LRRTM4: variants seen among roughly 807,000 people sequenced by gnomAD.
LRRTM4 encodes the protein leucine-rich repeat transmembrane neuronal protein 4.
A neutral mutation model predicts 47.6 loss-of-function variants in LRRTM4; 25 were observed. The observed-to-expected ratio is 0.53, with a 90% CI of 0.38 to 0.73. The LOEUF (loss-of-function observed/expected upper bound fraction) is 0.73, where lower values mean the gene tolerates loss of function less well. Ranked by LOEUF, LRRTM4 falls within the 30% of genes least tolerant of loss-of-function variation. The pLI is 0.00. For synonymous variants in LRRTM4, 311 were observed against 269.5 expected, an observed-to-expected ratio of 1.15 and a Z score of -1.51; for missense variants, 638 against 713.4, an observed-to-expected ratio of 0.89 and a Z score of 1.20.
At chr2:76,817,105 T>C (rs1670924980) in intron 3 of LRRTM4, among the ~76,000 whole-genome samples, 1 of 151,860 alleles carries the variant, frequency 6.6e-6, no homozygotes, top group Non-Finnish European at 1.5e-5. Flanking sequence ...GGCCTTACTC[T>C]CTGAAGAATG....
chr2:76,869,744 T>A (rs554170961), intron 3 of LRRTM4, among the ~76,000 whole-genome samples: 2 of 152,196 alleles, frequency 1.3e-5, no homozygotes, highest in South Asian at 4.1e-4. Flanking sequence ...AGAGTTTGTA[T>A]TATAAGATTT....
At chr2:76,778,676 G>A (rs190082520) in intron 3 of LRRTM4, among the ~76,000 whole-genome samples, 1,912 of 151,366 alleles carry the variant, frequency 0.013, 19 homozygotes, top group African/African-American at 0.029. Context: ...TCTTGCTAGC[G>A]GTCTATCAAT....
chr2:77,295,566 T>G (rs945210205), intron 3 of LRRTM4, among the ~76,000 whole-genome samples: 3 of 152,160 alleles, frequency 2.0e-5, no homozygotes, highest in African/African-American at 7.2e-5. Context: ...TACTGCAGAT[T>G]GAGTGGCCTC....
rs192457949 is a variant in LRRTM4 at position 77,352,035 on chromosome 2, A to G, written c.1551+166283T>C. 3.0e-3 allele frequency among the ~76,000 whole-genome samples: 462 copies of G among 152,240 alleles called. 6 individuals carry two copies. Among genetic ancestry groups the G allele is most frequent in the African/African-American group, 9.9e-3 (411 of 41,566 alleles). On this transcript the variant is annotated intron_variant, in intron 3 of 3. Coordinates refer to ENST00000409884, the MANE Select transcript of LRRTM4 (RefSeq NM_001134745.3). ...CAGTGTAAATTAAAGTGAGAAATTA[A>G]AGGTCAAGCTGCATAAAGATGTCAT...
chr2:77,000,571 T>C (rs1191427985), intron 3 of LRRTM4, among the ~76,000 whole-genome samples: 1 of 152,162 alleles, frequency 6.6e-6, no homozygotes, highest in Admixed American at 6.6e-5. Context: ...GTATTGCCCA[T>C]TGGTAGAAGA....
rs1324397141 is a variant in LRRTM4, at chr2:77,516,921, C to T, written c.1551+1397G>A. On this transcript the variant is annotated intron_variant, in intron 3 of 3. Coordinates refer to ENST00000409884, the MANE Select transcript of LRRTM4 (RefSeq NM_001134745.3). ...ATGGAAAAATTGGAGTATATGCTAT[C>T]AAAGAGCAATTATATTTTCCAACTG... is the stretch of plus-strand genomic sequence containing the variant. 9.1e-6 allele frequency: 9 copies of T among 984,360 alleles called. 1 individual carries two copies. The South Asian group carries it at 4.2e-4, about 46-fold the overall frequency. The allele number at this position is 984,360 out of a possible 1,614,324, so 61.0% of individuals were successfully genotyped here. A position where few individuals can be genotyped will look rare whatever the true frequency, so the allele number is the denominator to read the frequency against.
intron 3 of LRRTM4, among the ~76,000 whole-genome samples, chr2:77,401,442 A>C (rs775266036): frequency 9.9e-5 from 15 of 151,868 alleles, no homozygotes; most frequent in Non-Finnish European, 1.9e-4. Flanking sequence ...CATATCATAA[A>C]TCACTATGTA....
intron 3 of LRRTM4, among the ~76,000 whole-genome samples, chr2:76,871,480 G>A (rs62173110): frequency 0.14 from 20,725 of 152,032 alleles, 1,722 homozygotes; most frequent in Admixed American, 0.21. Context: ...ACTGGGAATC[G>A]CCTGTATTGA....
intron 3 of LRRTM4, among the ~76,000 whole-genome samples, chr2:76,941,963 CT>C (rs1341174502): frequency 1.1e-4 from 16 of 152,196 alleles, no homozygotes; most frequent in African/African-American, 3.9e-4. Context: ...TCCACATCGT[CT>C]CCAGCAACTG....
intron 3 of LRRTM4, among the ~76,000 whole-genome samples, chr2:77,214,546 T>C (rs1478203501): frequency 1.3e-5 from 2 of 152,162 alleles, no homozygotes; most frequent in African/African-American, 2.4e-5. Flanking sequence ...CTAACTTATT[T>C]TGACATTTTC....
At chr2:77,023,966 A>G (rs1678362569) in intron 3 of LRRTM4, among the ~76,000 whole-genome samples, 1 of 152,166 alleles carries the variant, frequency 6.6e-6, no homozygotes. Flanking sequence ...GGAAAAAAAA[A>G]GATTAATTGG....
rs150309218 is a variant in LRRTM4, at chr2:77,296,171, T to G, written c.1551+222147A>C. 1.6e-3 allele frequency among the ~76,000 whole-genome samples: 241 copies of G among 152,306 alleles called. 1 individual carries two copies. The highest frequency in any genetic ancestry group is 5.5e-3 in the African/African-American group (227 of 41,574). On this transcript the variant is annotated intron_variant, in intron 3 of 3. Transcript: ENST00000409884. ...TTTCAACCTGAAAATACATGGCAACTTGTAGATACGATAGAAATATTTGAG... is the reference window on the plus strand; with the variant it reads ...TTTCAACCTGAAAATACATGGCAACGTGTAGATACGATAGAAATATTTGAG...
At chr2:77,065,414 G>A (rs769796220) in intron 3 of LRRTM4, among the ~76,000 whole-genome samples, 15 of 152,270 alleles carry the variant, frequency 9.9e-5, no homozygotes, top group Non-Finnish European at 1.8e-4. Context: ...ATTAATGCAT[G>A]TCCTGCTCTT....
intron 3 of LRRTM4, among the ~76,000 whole-genome samples, chr2:77,358,425 A>T (rs563229810): frequency 1.3e-5 from 2 of 152,080 alleles, no homozygotes; most frequent in Non-Finnish European, 2.9e-5. Flanking sequence ...AAGAGGGAGA[A>T]CTCACCACGA....
chr2:77,463,588 A>T (rs1340054311), intron 3 of LRRTM4, among the ~76,000 whole-genome samples: 1 of 152,096 alleles, frequency 6.6e-6, no homozygotes, highest in Non-Finnish European at 1.5e-5. Context: ...AGAGAATAGC[A>T]ACCATATTTT....
At chr2:77,289,272 A>C (rs1676752685) in intron 3 of LRRTM4, among the ~76,000 whole-genome samples, 1 of 151,994 alleles carries the variant, frequency 6.6e-6, no homozygotes, top group Admixed American at 6.6e-5. Context: ...CTAATACAGA[A>C]TAGAGGTTTT....
intron 3 of LRRTM4, among the ~76,000 whole-genome samples, chr2:77,417,773 AG>A (rs781591403): frequency 2.1e-4 from 25 of 119,440 alleles, no homozygotes; most frequent in African/African-American, 6.9e-4. Context: ...TTGGGGGGGA[AG>A]GGGGGAGGAA....
intron 3 of LRRTM4, among the ~76,000 whole-genome samples, chr2:76,992,253 C>G (rs956634659): frequency 6.6e-6 from 1 of 151,718 alleles, no homozygotes; most frequent in East Asian, 1.9e-4. Context: ...TTTCACCACT[C>G]CTATTCAATA....
rs116589574 is a variant in LRRTM4, at chr2:76,988,174, A to G, written c.1552-239258T>C. On this transcript the variant is annotated intron_variant, in intron 3 of 3. Transcript: ENST00000409884. ...GTGTTTTCCAGTCTGCAGCCAACCT[A>G]ATTTCTCCAAATGCTTCGTCTTCCT... 4.4e-3 allele frequency among the ~76,000 whole-genome samples: 675 copies of G among 151,772 alleles called. 10 individuals are homozygous for G. Among genetic ancestry groups the G allele is most frequent in the African/African-American group, 0.015 (638 of 41,460 alleles).
Sources: gnomAD v4.1 joint callset for allele counts (sites outside exome capture counted in the v4.1 genomes callset) on GRCh38, gnomAD v4.1.1 for gene constraint, MANE v1.5 for transcripts, NCBI Gene and HGNC (gene_info 2026-07-23, HGNC 2026-07-21) for gene names.